Variants in CSDC2 observed in about 807,000 individuals in gnomAD.
CSDC2 encodes the protein cold shock domain-containing protein C2.
A neutral mutation model predicts 15.8 loss-of-function variants in CSDC2; 8 were observed. That is an observed-to-expected ratio of 0.51 (90% CI 0.30 to 0.92). The LOEUF (loss-of-function observed/expected upper bound fraction) is 0.92. Among genes scored for constraint, CSDC2 ranks in the 40% least tolerant of loss-of-function variants. CSDC2 has a pLI of 0.07. For synonymous variants in CSDC2, 96 were observed against 92.3 expected (o/e 1.04, Z -0.23); for missense variants, 195 against 213.3 (o/e 0.91, Z 0.53).
At chr22:41,565,052 G>A (rs1215179125) in intron 1 of CSDC2, among the ~76,000 whole-genome samples, 1 of 152,040 alleles carries the variant, frequency 6.6e-6, no homozygotes, top group Non-Finnish European at 1.5e-5. Flanking sequence ...TGTGATCCCA[G>A]CTACTCGAGA....
intron 2 of CSDC2, among the ~76,000 whole-genome samples, chr22:41,572,761 C>T (rs188956332): frequency 1.6e-4 from 24 of 152,290 alleles, no homozygotes; most frequent in Non-Finnish European, 2.5e-4. Context: ...ACCCAAGACA[C>T]GGAGTTAACC....
intron 1 of CSDC2, among the ~76,000 whole-genome samples, chr22:41,565,115 G>A (rs1468679955): frequency 1.3e-5 from 2 of 151,716 alleles, no homozygotes; most frequent in East Asian, 1.9e-4. Flanking sequence ...TCAGTGAGCC[G>A]AGATCGCGCC....
intron 2 of CSDC2, 50 bp from the exon 3 acceptor site, chr22:41,573,605 G>C: frequency 6.4e-7 from 1 of 1,572,842 alleles, no homozygotes; most frequent in Non-Finnish European, 8.7e-7. Flanking sequence ...GTAGGGATCC[G>C]GGGAGGAGTT....
At chr22:41,574,704 G>A (rs368052545) in intron 3 of CSDC2, 29 bp from the exon 4 acceptor site, 40 of 1,610,364 alleles carry the variant, frequency 2.5e-5, no homozygotes, top group Admixed American at 6.7e-5. Flanking sequence ...GCCTGCTGCT[G>A]GGCTAATACC....
chr22:41,564,450 C>T (rs576377643), intron 1 of CSDC2, among the ~76,000 whole-genome samples: 12 of 151,996 alleles, frequency 7.9e-5, no homozygotes, highest in East Asian at 2.0e-4. Flanking sequence ...TTAGCAGAGA[C>T]GGGGTTTCAC....
intron 1 of CSDC2, among the ~76,000 whole-genome samples, chr22:41,571,521 A>T (rs2067144994): frequency 6.6e-6 from 1 of 152,170 alleles, no homozygotes; most frequent in Admixed American, 6.5e-5. Context: ...TGACAAAGCT[A>T]AGGTTTGAAC....
intron 1 of CSDC2, among the ~76,000 whole-genome samples, chr22:41,569,978 C>T (rs1223490882): frequency 2.0e-5 from 3 of 151,922 alleles, no homozygotes; most frequent in Non-Finnish European, 4.4e-5. Context: ...CGGGGTTTCA[C>T]CATGTTGGCC....
In CSDC2 at chr22:41,572,144, G is replaced by T; in HGVS notation, c.176+3G>T. On this transcript the variant is annotated splice_donor_region_variant and intron_variant, in intron 2 of 3. Transcript: ENST00000306149. Reference sequence around the variant, plus strand: ...AAGCGGACCAGGACCTATTCAGCGTGAGTACCTGCCCCTTGCCCAGGCCCC... The same window carrying T: ...AAGCGGACCAGGACCTATTCAGCGTTAGTACCTGCCCCTTGCCCAGGCCCC... The T allele has an allele frequency of 7.6e-7, 1 of 1,312,608 alleles. No homozygotes were observed. The highest frequency in any genetic ancestry group is 9.8e-7 in the Non-Finnish European group (1 of 1,024,088). The allele number at this position is 1,312,608 out of a possible 1,614,324, so 81.3% of individuals were successfully genotyped here.
chr22:41,568,130 C>CTTTTTTTTT (rs1462423604), intron 1 of CSDC2, among the ~76,000 whole-genome samples: 14 of 7,174 alleles, frequency 2.0e-3, no homozygotes, highest in African/African-American at 0.012. Flanking sequence ...TTCTCTCTCC[C>CTTTTTTTTT]TCTCTTTTTT....
At chr22:41,574,680 G>A in intron 3 of CSDC2, 53 bp from the exon 4 acceptor site, 1 of 1,593,092 alleles carries the variant, frequency 6.3e-7, no homozygotes, top group Non-Finnish European at 8.6e-7. Context: ...CCACAGGATT[G>A]TCTGGGGCAC....
At chr22:41,568,134 C>CTCTTTTTTTTTT (rs562406296) in intron 1 of CSDC2, among the ~76,000 whole-genome samples, 2 of 109,554 alleles carry the variant, frequency 1.8e-5, no homozygotes, top group African/African-American at 3.5e-5. Context: ...CTCTCCCTCT[C>CTCTTTTTTTTTT]TTTTTTTTGA....
At position 41,574,871 on chromosome 22, in the gene CSDC2, G is replaced by T; in HGVS notation, c.438G>T (p.Trp146Cys). Residue 146 changes from tryptophan (W) to cysteine (C), a missense_variant, in exon 4 of 4, where the codon TGG (tryptophan) becomes TGT (cysteine). Physicochemically the swap from Trp to Cys is radical, Grantham distance 215. Transcript: ENST00000306149. ...CCCCCCACACTCCCCACGAGACGTG[G>T]TCTGGCCAGGTCGTGGGCTCCTAGG... ...QLAPHTPHET[W>C]SGQVVGS The T allele has an allele frequency of 6.2e-7, 1 of 1,601,856 alleles. No homozygotes were observed. Among genetic ancestry groups the T allele is most frequent in the Non-Finnish European group, 8.5e-7 (1 of 1,174,564 alleles).
chr22:41,572,414 A>G (rs2067151778), intron 2 of CSDC2, among the ~76,000 whole-genome samples: 1 of 115,330 alleles, frequency 8.7e-6, no homozygotes, highest in South Asian at 3.4e-4. Context: ...CCATCCATCC[A>G]TCCATCCATC....
rs2067177209 is a variant in CSDC2 at position 41,576,626 on chromosome 22, T to C, written c.*1731T>C. ...GACCCCTGGCCACCCAGACCCCCCA[T>C]TCTTCCTAACACTGGCAATAAACCC... On this transcript the variant is annotated 3_prime_UTR_variant, in exon 4 of 4. Coordinates refer to ENST00000306149, the MANE Select transcript of CSDC2 (RefSeq NM_014460.4). 1 of 154,932 alleles carries C rather than the reference T, an allele frequency of 6.5e-6. No homozygotes were observed. The highest frequency in any genetic ancestry group is 2.4e-5 in the African/African-American group (1 of 41,174). The allele number at this position is 154,932 out of a possible 1,614,324, so 9.6% of individuals were successfully genotyped here.
chr22:41,568,431 G>A (rs922028200), intron 1 of CSDC2, among the ~76,000 whole-genome samples: 63 of 152,038 alleles, frequency 4.1e-4, no homozygotes, highest in Admixed American at 3.1e-3. Context: ...CTACAGGTGC[G>A]CCACCGCCAT....
chr22:41,569,657 C>G (rs2067134916), intron 1 of CSDC2, among the ~76,000 whole-genome samples: 1 of 152,056 alleles, frequency 6.6e-6, no homozygotes, highest in South Asian at 2.1e-4. Flanking sequence ...TGTGTCTAGA[C>G]CATAATTTAT....
At chr22:41,570,272 G>C (rs1390087087) in intron 1 of CSDC2, among the ~76,000 whole-genome samples, 1 of 152,180 alleles carries the variant, frequency 6.6e-6, no homozygotes, top group Non-Finnish European at 1.5e-5. Context: ...CTGACTGGAG[G>C]GGGAGGGTTT....
chr22:41,571,730 T>C (rs1373237432), intron 1 of CSDC2, 113 bp from the exon 2 acceptor site: 3 of 370,276 alleles, frequency 8.1e-6, no homozygotes, highest in Non-Finnish European at 1.4e-5. Flanking sequence ...CGTTTGTGAC[T>C]TGAAGTAACG....
intron 1 of CSDC2, among the ~76,000 whole-genome samples, chr22:41,567,592 C>T (rs2067122855): frequency 6.6e-6 from 1 of 152,248 alleles, no homozygotes; most frequent in Non-Finnish European, 1.5e-5. Context: ...CATTGTACAG[C>T]TCCTCCAAGC....
Sources: allele counts gnomAD v4.1 joint callset (sites outside exome capture counted in the v4.1 genomes callset), GRCh38; gene constraint gnomAD v4.1.1; transcripts MANE v1.5; gene names NCBI Gene and HGNC (gene_info 2026-07-23, HGNC 2026-07-21).